ATP2B3: variants seen among roughly 807,000 people sequenced by gnomAD.
The protein encoded by ATP2B3 is ATPase plasma membrane Ca2+ transporting 3.
Under a neutral mutation model 70.8 loss-of-function variants are expected in ATP2B3, and 12 were observed. That is an observed-to-expected ratio of 0.17 (90% CI 0.11 to 0.27). The LOEUF is 0.27. Among genes scored for constraint, ATP2B3 ranks in the 10% least tolerant of loss-of-function variants. The pLI, the probability that ATP2B3 is intolerant of heterozygous loss-of-function variation, is 1.00. For synonymous variants in ATP2B3, 460 were observed against 497.8 expected, an observed-to-expected ratio of 0.92 and a Z score of 1.01; for missense variants, 858 against 1,118.5, an observed-to-expected ratio of 0.77 and a Z score of 3.32.
In ATP2B3 at chrX:153,556,984, T is replaced by C; in HGVS notation, c.2394T>C (p.Asp798=). 1 of 1,193,425 alleles carries C rather than the reference T, an allele frequency of 8.4e-7. No individual in the cohort carries two copies. Among genetic ancestry groups the C allele is most frequent in the Non-Finnish European group, 1.1e-6 (1 of 886,198 alleles). Residue 798 remains aspartate, a synonymous_variant, in exon 16 of 22, where the codon GAT becomes GAC. Coordinates refer to ENST00000263519, the MANE Select transcript of ATP2B3 (RefSeq NM_001001344.3). The part of the protein sequence containing the change: ...VVAVTGDGTN[D]GPALKKADVG... ...CTGTGACAGGGGATGGCACCAACGA[T>C]GGGCCGGCCCTCAAGAAGGCGGACG... is the stretch of plus-strand genomic sequence containing the variant.
chrX:153,574,464 C>T (rs782140074), intron 21 of ATP2B3, among the ~76,000 whole-genome samples: 19 of 111,499 alleles, frequency 1.7e-4, no homozygotes, highest in African/African-American at 6.2e-4. Context: ...GTTCTGTGAA[C>T]CTTAGCGGCT....
intron 2 of ATP2B3, among the ~76,000 whole-genome samples, chrX:153,530,153 G>A (rs2090094523): frequency 8.9e-6 from 1 of 112,609 alleles, no homozygotes; most frequent in African/African-American, 3.2e-5. Context: ...TTCTATGGCG[G>A]TGCTTGTTTG....
intron 21 of ATP2B3, among the ~76,000 whole-genome samples, chrX:153,570,617 C>G (rs1217565279): frequency 1.8e-5 from 2 of 112,134 alleles, no homozygotes; most frequent in Non-Finnish European, 3.8e-5. Flanking sequence ...GTGGGCCCAG[C>G]CAGGCAGCCT....
At chrX:153,574,361 C>A (rs2090828862) in intron 21 of ATP2B3, among the ~76,000 whole-genome samples, 2 of 112,410 alleles carry the variant, frequency 1.8e-5, no homozygotes, top group South Asian at 7.3e-4. Flanking sequence ...GCCTGGGGAG[C>A]TGACAGGTCC....
In ATP2B3 at chrX:153,580,327, C is replaced by T. The variant is rs782558894; in HGVS notation, c.*29C>T. ...GAACTTGTCTCAGCACATGCGCACA[C>T]GCACACTCGGACTCACACGAAGTCA... On this transcript the variant is annotated 3_prime_UTR_variant, in exon 22 of 22. Coordinates refer to ENST00000263519, the MANE Select transcript of ATP2B3 (RefSeq NM_001001344.3). The T allele has an allele frequency of 1.1e-5, 13 of 1,164,731 alleles. No individual in the cohort carries two copies. Among genetic ancestry groups the T allele is most frequent in the Admixed American group, 2.2e-5 (1 of 44,815 alleles).
At chrX:153,558,430 C>A in intron 17 of ATP2B3, 127 bp downstream of exon 17, 2 of 691,319 alleles carry the variant, frequency 2.9e-6, no homozygotes, top group South Asian at 3.6e-5. Context: ...ATTCATATGC[C>A]AAAAATTCAC....
chrX:153,525,742 G>A (rs1390783715), intron 2 of ATP2B3, among the ~76,000 whole-genome samples: 2 of 112,646 alleles, frequency 1.8e-5, no homozygotes, highest in Non-Finnish European at 3.8e-5. Context: ...GACGGGTAGG[G>A]CACGTCTCCC....
In ATP2B3 at chrX:153,556,108, G is replaced by T. The variant is rs1557013338; in HGVS notation, c.2118G>T (p.Gly706=). The change falls in exon 14 of 22, where the codon GGG becomes GGT. Residue 706 remains glycine, a synonymous_variant. Coordinates refer to ENST00000263519, the MANE Select transcript of ATP2B3 (RefSeq NM_001001344.3). ...GCATCACAGTCCGCATGGTGACTGG[G>T]GACAACATCAACACGGCCCGGGCCA... ...RAGITVRMVT[G]DNINTARAIA... 4 of 1,211,519 alleles carry T rather than the reference G, an allele frequency of 3.3e-6. No individual in the cohort carries two copies. Among genetic ancestry groups the T allele is most frequent in the Non-Finnish European group, 2.2e-6 (2 of 895,520 alleles).
intron 2 of ATP2B3, among the ~76,000 whole-genome samples, chrX:153,525,694 G>A (rs1556999510): frequency 1.8e-5 from 2 of 112,374 alleles, no homozygotes; most frequent in African/African-American, 3.2e-5. Flanking sequence ...GCCAGCAGAT[G>A]GTCCCACGTC....
chrX:153,549,434 A>G, intron 10 of ATP2B3, 63 bp from the exon 11 acceptor site: 1 of 1,200,762 alleles, frequency 8.3e-7, no homozygotes, highest in Non-Finnish European at 1.1e-6. Flanking sequence ...TTGTGTTGAC[A>G]TCTCTCACTC....
intron 3 of ATP2B3, among the ~76,000 whole-genome samples, chrX:153,538,171 C>T (rs782055919): frequency 1.8e-5 from 2 of 112,989 alleles, no homozygotes; most frequent in East Asian, 5.6e-4. Context: ...CTAGCCCGGC[C>T]GTGCACCCGG....
chrX:153,573,266 C>T (rs894821276), intron 21 of ATP2B3, among the ~76,000 whole-genome samples: 2 of 112,369 alleles, frequency 1.8e-5, no homozygotes, highest in African/African-American at 3.2e-5. Flanking sequence ...AACCGGGCCA[C>T]GTGAGTCCCA....
At chrX:153,560,052 T>C in intron 18 of ATP2B3, 110 bp downstream of exon 18, 1 of 816,848 alleles carries the variant, frequency 1.2e-6, no homozygotes, top group Non-Finnish European at 1.7e-6. Flanking sequence ...CAGTACGGGG[T>C]GGGACGCTGC....
chrX:153,577,592 A>G (rs2090873063), intron 21 of ATP2B3, among the ~76,000 whole-genome samples: 1 of 112,142 alleles, frequency 8.9e-6, no homozygotes, highest in Admixed American at 9.4e-5. Flanking sequence ...TTTCATTAAA[A>G]ACGTCAAATT....
chrX:153,520,835 C>T (rs899577848), intron 2 of ATP2B3, among the ~76,000 whole-genome samples: 4 of 112,452 alleles, frequency 3.6e-5, no homozygotes, highest in African/African-American at 1.3e-4. Flanking sequence ...CTCACTGTCT[C>T]GGGTACTCCC....
chrX:153,520,065 T>C, intron 2 of ATP2B3, among the ~76,000 whole-genome samples: 1 of 82,444 alleles, frequency 1.2e-5, no homozygotes, highest in Non-Finnish European at 2.2e-5. Context: ...CCTTCTCCAT[T>C]CCAGATCCAG....
intron 21 of ATP2B3, chrX:153,569,633 G>A (rs1557019271): frequency 1.6e-5 from 19 of 1,211,512 alleles, no homozygotes; most frequent in East Asian, 3.0e-5. Context: ...CAAGAGAAGC[G>A]GTTCAGTTCA....
intron 21 of ATP2B3, among the ~76,000 whole-genome samples, chrX:153,566,824 A>C (rs1172034196): frequency 2.7e-5 from 3 of 111,133 alleles, no homozygotes; most frequent in Non-Finnish European, 5.7e-5. Flanking sequence ...CTGGGCCCTC[A>C]TGCTTACAAA....
chrX:153,550,582 T>A (rs781967186), intron 12 of ATP2B3, among the ~76,000 whole-genome samples: 44 of 112,068 alleles, frequency 3.9e-4, no homozygotes, highest in Non-Finnish European at 6.6e-4. Flanking sequence ...ATCAAGGGAC[T>A]CATACACTGT....
Sources: gnomAD v4.1 joint callset for allele counts (sites outside exome capture counted in the v4.1 genomes callset) on GRCh38, gnomAD v4.1.1 for gene constraint, MANE v1.5 for transcripts, NCBI Gene and HGNC (gene_info 2026-07-23, HGNC 2026-07-21) for gene names.